Variants in GDAP1L1 observed in about 807,000 individuals in gnomAD.
GDAP1L1 encodes ganglioside-induced differentiation-associated protein 1-like 1.
GDAP1L1 carries 21 observed loss-of-function variants against 37.1 expected under a neutral mutation model. The ratio of observed to expected loss-of-function variants is 0.57; its 90% CI spans 0.40 to 0.81. The LOEUF (loss-of-function observed/expected upper bound fraction) is 0.81. Ranked by LOEUF, GDAP1L1 falls within the 40% of genes least tolerant of loss-of-function variation. The pLI is 0.00. For missense variants in GDAP1L1, 362 were observed against 491.6 expected, an observed-to-expected ratio of 0.74 and a Z score of 2.49; for synonymous variants, 193 against 209.1, an observed-to-expected ratio of 0.92 and a Z score of 0.67.
In GDAP1L1 at chr20:44,260,770, T is replaced by C. The variant is rs576512220; in HGVS notation, c.547+2163T>C. Among the ~76,000 whole-genome samples the C allele has an allele frequency of 1.7e-3, 262 of 152,150 alleles. 1 individual carries two copies. Among genetic ancestry groups the C allele is most frequent in the Admixed American group, 5.1e-3 (78 of 15,284 alleles). On this transcript the variant is annotated intron_variant, in intron 3 of 5. Coordinates refer to ENST00000342560, the MANE Select transcript of GDAP1L1 (RefSeq NM_024034.6). ...TGGAGGAAGCTCAGTGTGGTGCAAG[T>C]GTAGCCCAAGGTGGGGTGGAAATGG...
At chr20:44,278,511 G>A (rs2062608030) in intron 5 of GDAP1L1, among the ~76,000 whole-genome samples, 1 of 152,088 alleles carries the variant, frequency 6.6e-6, no homozygotes, top group Non-Finnish European at 1.5e-5. Context: ...CTCCTCAGTA[G>A]CTGGGATTAC....
chr20:44,271,770 C>G (rs1023100098), intron 5 of GDAP1L1, among the ~76,000 whole-genome samples: 21 of 152,036 alleles, frequency 1.4e-4, no homozygotes, highest in African/African-American at 4.4e-4. Context: ...GATGCAGAGG[C>G]CACGAAGACA....
intron 5 of GDAP1L1, among the ~76,000 whole-genome samples, chr20:44,267,675 C>T (rs2062469445): frequency 6.6e-6 from 1 of 151,440 alleles, no homozygotes; most frequent in Non-Finnish European, 1.5e-5. Context: ...AGGGCTGCTG[C>T]GAGGATCAAT....
At chr20:44,270,299 T>C (rs2062500645) in intron 5 of GDAP1L1, among the ~76,000 whole-genome samples, 1 of 148,884 alleles carries the variant, frequency 6.7e-6, no homozygotes, top group African/African-American at 2.5e-5. Context: ...GCCTCCCAAG[T>C]AGCTGGGACT....
rs766465399 is a variant in GDAP1L1, at chr20:44,264,459, G to A, written c.660G>A (p.Glu220=). 3 of 1,510,172 alleles carry A rather than the reference G, an allele frequency of 2.0e-6. No individual in the cohort carries two copies. Among genetic ancestry groups the A allele is most frequent in the Non-Finnish European group, 8.9e-7 (1 of 1,129,026 alleles). The allele number at this position is 1,510,172 out of a possible 1,614,324, so 93.5% of individuals were successfully genotyped here. The change falls in exon 5 of 6, where the codon GAG becomes GAA. Residue 220 remains glutamate (E), a synonymous_variant. Transcript: ENST00000342560. ...KQKKLMAKIL[E]HDDVSYLKKI... ...CCTGCCCCCAGGCCAAGATCTTGGAGCATGATGATGTGAGCTACCTGAAGA... is the reference window on the plus strand; with the variant it reads ...CCTGCCCCCAGGCCAAGATCTTGGAACATGATGATGTGAGCTACCTGAAGA...
chr20:44,258,140 T>C (rs2073597807), intron 2 of GDAP1L1: 1 of 717,330 alleles, frequency 1.4e-6, no homozygotes, highest in African/African-American at 1.7e-5. Flanking sequence ...ACCCAAGCAT[T>C]GAGCACCCAG....
At chr20:44,247,148 G>C, upstream of GDAP1L1, 8 of 631,126 alleles carry the variant, frequency 1.3e-5, 1 homozygote, top group South Asian at 1.5e-4. Flanking sequence ...GCGGGCCAGG[G>C]GGAGGAGGAG....
At chr20:44,247,919 C>T (rs1256314980) in intron 1 of GDAP1L1, among the ~76,000 whole-genome samples, 1 of 152,152 alleles carries the variant, frequency 6.6e-6, no homozygotes, top group Non-Finnish European at 1.5e-5. Flanking sequence ...GGGGTCCAGC[C>T]TCGGTAGCCC....
chr20:44,274,986 G>C (rs1218498400), intron 5 of GDAP1L1, among the ~76,000 whole-genome samples: 1 of 152,106 alleles, frequency 6.6e-6, no homozygotes, highest in East Asian at 1.9e-4. Context: ...TCGACCTTCC[G>C]GGCTCGAGCC....
chr20:44,258,029 C>T (rs933151315), intron 2 of GDAP1L1, among the ~76,000 whole-genome samples: 1 of 152,142 alleles, frequency 6.6e-6, no homozygotes, highest in African/African-American at 2.4e-5. Flanking sequence ...ACTTACTGCC[C>T]ATTGCATAGG....
rs146298221 is a variant in GDAP1L1 at position 44,250,406 on chromosome 20, T to C, written c.180+2892T>C. Reference sequence around the variant, plus strand: ...TCGTTGTAAGGATTCAGCAAATGTATCCATGTCAATCACCTAGAATAGCAC... The same window carrying C: ...TCGTTGTAAGGATTCAGCAAATGTACCCATGTCAATCACCTAGAATAGCAC... On this transcript the variant is annotated intron_variant, in intron 1 of 5. Coordinates refer to ENST00000342560, the MANE Select transcript of GDAP1L1 (RefSeq NM_024034.6). Among the ~76,000 whole-genome samples the C allele has an allele frequency of 7.9e-5, 12 of 152,344 alleles. No homozygotes were observed. In the East Asian group the frequency reaches 2.3e-3, roughly 29 times the overall value.
chr20:44,258,318 TG>T, intron 2 of GDAP1L1, 115 bp from the exon 3 acceptor site: 1 of 1,005,436 alleles, frequency 9.9e-7, no homozygotes, highest in Admixed American at 2.0e-5. Context: ...AGCCCGAGCA[TG>T]GGGGTGCCCA....
At chr20:44,276,412 A>AAAGAAAG (rs2062576459) in intron 5 of GDAP1L1, among the ~76,000 whole-genome samples, 13 of 113,394 alleles carry the variant, frequency 1.1e-4, no homozygotes, top group African/African-American at 3.9e-4. Flanking sequence ...AGAAAAAAGA[A>AAAGAAAG]AAAGAAAGAA....
At position 44,256,323 on chromosome 20, in the gene GDAP1L1, C is replaced by G. The variant is rs141026278; in HGVS notation, c.181-830C>G. On this transcript the variant is annotated intron_variant, in intron 1 of 5. Coordinates refer to ENST00000342560, the MANE Select transcript of GDAP1L1 (RefSeq NM_024034.6). ...CTAATGTTGGCAAGTTACTTTTCCCCTCACTTAGTACCCCAAATAATTTGA... is the reference window on the plus strand; with the variant it reads ...CTAATGTTGGCAAGTTACTTTTCCCGTCACTTAGTACCCCAAATAATTTGA... Among the ~76,000 whole-genome samples the G allele has an allele frequency of 4.9e-3, 753 of 152,264 alleles. 4 individuals are homozygous for G. Among genetic ancestry groups the G allele is most frequent in the African/African-American group, 0.017 (703 of 41,544 alleles).
chr20:44,266,411 T>G (rs1191828682), intron 5 of GDAP1L1, among the ~76,000 whole-genome samples: 3 of 151,448 alleles, frequency 2.0e-5, no homozygotes, highest in Non-Finnish European at 4.4e-5. Context: ...CCAAAAGGCT[T>G]GGTAGTTCAG....
intron 3 of GDAP1L1, among the ~76,000 whole-genome samples, chr20:44,259,761 C>T (rs1206244335): frequency 2.6e-5 from 4 of 152,218 alleles, no homozygotes; most frequent in East Asian, 3.9e-4. Context: ...CCTCTCAAAG[C>T]GCTGGGATTA....
In GDAP1L1 at chr20:44,273,530, T is replaced by C. The variant is rs2062542270; in HGVS notation, c.761-5427T>C. On this transcript the variant is annotated intron_variant, in intron 5 of 5. Coordinates refer to ENST00000342560, the MANE Select transcript of GDAP1L1 (RefSeq NM_024034.6). ...CCCTGGTTCATCATTAGGAGAACTTTCGTGCCTGCACATTCAACTCCCTGG... is the reference window on the plus strand; with the variant it reads ...CCCTGGTTCATCATTAGGAGAACTTCCGTGCCTGCACATTCAACTCCCTGG... Among the ~76,000 whole-genome samples, 4 of 152,240 alleles carry C rather than the reference T, an allele frequency of 2.6e-5. No individual in the cohort carries two copies. The South Asian group carries it at 6.2e-4, about 24-fold the overall frequency.
chr20:44,258,393 C>G lies in GDAP1L1; in HGVS notation c.374-41C>G, dbSNP rs369409576. 2.0e-4 allele frequency: 310 copies of G among 1,536,682 alleles called. No homozygotes were observed. In the African/African-American group the frequency reaches 4.0e-3, roughly 20 times the overall value. ...CGGGGGCAGGTGGCCGGGGCAGGTG[C>G]CCCTCTGGCTTCCCTGCCCAGCCCC... On this transcript the variant is annotated intron_variant, in intron 2 of 5. Coordinates refer to ENST00000342560, the MANE Select transcript of GDAP1L1 (RefSeq NM_024034.6).
chr20:44,251,707 C>A (rs1258645382), intron 1 of GDAP1L1, among the ~76,000 whole-genome samples: 31 of 152,214 alleles, frequency 2.0e-4, no homozygotes, highest in Admixed American at 2.0e-3. Flanking sequence ...ACTCCAGAGT[C>A]CTCTCAATGG....
Sources: allele counts gnomAD v4.1 joint callset (sites outside exome capture counted in the v4.1 genomes callset), GRCh38; gene constraint gnomAD v4.1.1; transcripts MANE v1.5; gene names NCBI Gene and HGNC (gene_info 2026-07-23, HGNC 2026-07-21).